The following CRYZL1 variants were observed in gnomAD, a reference collection of about 807,000 sequenced individuals.
CRYZL1 encodes crystallin zeta like 1.
Under a neutral mutation model 50.6 loss-of-function variants are expected in CRYZL1, and 34 were observed. That is an observed-to-expected ratio of 0.67 (90% confidence interval 0.51 to 0.89). The LOEUF (loss-of-function observed/expected upper bound fraction) is 0.89. Among genes scored for constraint, CRYZL1 ranks in the 40% least tolerant of loss-of-function variants. CRYZL1 has a pLI of 0.00. For missense variants in CRYZL1, 354 were observed against 402.3 expected, an observed-to-expected ratio of 0.88 and a Z score of 1.03; for synonymous variants, 125 against 134.3, an observed-to-expected ratio of 0.93 and a Z score of 0.48.
intron 8 of CRYZL1, among the ~76,000 whole-genome samples, chr21:33,600,933 G>GGTTTTT (rs1569083557): frequency 8.4e-5 from 5 of 59,520 alleles, no homozygotes; most frequent in African/African-American, 3.2e-4. Context: ...GGTCCATAAA[G>GGTTTTT]TTTTTTTTTT....
intron 10 of CRYZL1, chr21:33,596,276 T>G (rs1332611659): frequency 3.5e-5 from 14 of 403,526 alleles, no homozygotes; most frequent in Admixed American, 6.7e-5. Context: ...TTGTGATAAT[T>G]TTATATAGAA....
At chr21:33,605,919 A>G (rs2145928739) in intron 6 of CRYZL1, among the ~76,000 whole-genome samples, 1 of 152,200 alleles carries the variant, frequency 6.6e-6, no homozygotes, top group South Asian at 2.1e-4. Context: ...GCAATGATTC[A>G]TGTGGACTAG....
chr21:33,610,002 C>G (rs1340047247), intron 6 of CRYZL1, among the ~76,000 whole-genome samples: 3 of 149,504 alleles, frequency 2.0e-5, no homozygotes, highest in African/African-American at 7.3e-5. Flanking sequence ...CCATGCCTAG[C>G]CTTTTTTTTT....
intron 2 of CRYZL1, among the ~76,000 whole-genome samples, chr21:33,627,888 G>T (rs1198837378): frequency 6.6e-6 from 1 of 151,926 alleles, no homozygotes; most frequent in African/African-American, 2.4e-5. Context: ...GGGACTACAG[G>T]CACATGCCAC....
At chr21:33,610,920 C>CG (rs11377162) in intron 6 of CRYZL1, among the ~76,000 whole-genome samples, 151,597 of 151,744 alleles carry the variant, frequency 1, 75,725 homozygotes, top group African/African-American at 1. Context: ...TTAGTAGAGA[C>CG]GGGTTTCACC....
intron 1 of CRYZL1, among the ~76,000 whole-genome samples, chr21:33,635,373 C>T (rs1312607349): frequency 8.7e-6 from 1 of 115,462 alleles, no homozygotes; most frequent in Non-Finnish European, 1.7e-5. Flanking sequence ...TTTTTTGAGA[C>T]GGAGTCTCGC....
At chr21:33,634,457 C>G (rs1162087035) in intron 1 of CRYZL1, among the ~76,000 whole-genome samples, 17 of 152,186 alleles carry the variant, frequency 1.1e-4, no homozygotes, top group Non-Finnish European at 2.9e-5. Context: ...GTTCTACCCC[C>G]TCTCTGGAAT....
chr21:33,590,049 GCTCT>G (rs2086627602), intron 12 of CRYZL1, 128 bp from the exon 13 acceptor site: 1 of 581,734 alleles, frequency 1.7e-6, no homozygotes, highest in African/African-American at 1.9e-5. Context: ...ACAGAGTCTG[GCTCT>G]CTCATCCAGG....
At chr21:33,621,082 T>G (rs2086994046) in intron 4 of CRYZL1, among the ~76,000 whole-genome samples, 1 of 148,248 alleles carries the variant, frequency 6.7e-6, no homozygotes, top group African/African-American at 2.5e-5. Flanking sequence ...ATTTTTTGTA[T>G]TTTTAGTAGA....
intron 1 of CRYZL1, among the ~76,000 whole-genome samples, chr21:33,636,105 A>G (rs1446844157): frequency 1.3e-5 from 2 of 152,218 alleles, no homozygotes; most frequent in Non-Finnish European, 2.9e-5. Context: ...GTATGATATA[A>G]AACTTTTTGC....
intron 1 of CRYZL1, among the ~76,000 whole-genome samples, chr21:33,639,224 T>C (rs1444567564): frequency 6.6e-6 from 1 of 152,210 alleles, no homozygotes; most frequent in Non-Finnish European, 1.5e-5. Context: ...GTTTCTTACA[T>C]GACCAATTCC....
intron 1 of CRYZL1, among the ~76,000 whole-genome samples, chr21:33,639,407 T>C (rs1461254369): frequency 6.6e-6 from 1 of 152,256 alleles, no homozygotes; most frequent in African/African-American, 2.4e-5. Context: ...TCCTATATTG[T>C]ACTACTGGGG....
intron 4 of CRYZL1, among the ~76,000 whole-genome samples, chr21:33,620,767 G>A (rs963030191): frequency 2.1e-5 from 3 of 145,954 alleles, no homozygotes; most frequent in Non-Finnish European, 4.5e-5. Context: ...CAGACATCAC[G>A]CCACTGCACT....
Position 33,624,574 on chromosome 21 carries a change from A to G in CRYZL1, c.144+109T>C, listed in dbSNP as rs988153012. On this transcript the variant is annotated intron_variant, in intron 3 of 12. Coordinates refer to ENST00000381554, the MANE Select transcript of CRYZL1 (RefSeq NM_145858.3). ...CAAATAAAAAAATTAACAAAAATGA[A>G]GATGGTAATAAATTCTTCACATTGA... is the stretch of plus-strand genomic sequence containing the variant. 20 of 1,502,264 alleles carry G rather than the reference A, an allele frequency of 1.3e-5. No individual in the cohort carries two copies. The East Asian group carries it at 4.7e-4, about 36-fold the overall frequency. 93.1% of individuals were successfully genotyped at this position (1,502,264 alleles called of 1,614,324 possible).
chr21:33,636,399 T>G (rs912467898), intron 1 of CRYZL1, among the ~76,000 whole-genome samples: 1 of 152,190 alleles, frequency 6.6e-6, no homozygotes, highest in Admixed American at 6.5e-5. Context: ...AATAAACCTG[T>G]TTAAAAATGT....
chr21:33,612,459 T>C (rs1422261866), intron 6 of CRYZL1, among the ~76,000 whole-genome samples: 1 of 152,144 alleles, frequency 6.6e-6, no homozygotes, highest in Non-Finnish European at 1.5e-5. Flanking sequence ...CTAAGATTTT[T>C]TGTATTTTTA....
At chr21:33,595,042 C>A in intron 11 of CRYZL1, 1 of 361,032 alleles carries the variant, frequency 2.8e-6, no homozygotes, top group East Asian at 1.4e-4. Flanking sequence ...AGTGCTGCTG[C>A]CTCTAAGCCA....
chr21:33,634,877 AACAATAT>A (rs1286046613), intron 1 of CRYZL1, among the ~76,000 whole-genome samples: 2 of 69,930 alleles, frequency 2.9e-5, no homozygotes, highest in Non-Finnish European at 5.1e-5. Context: ...AAACAACAAC[AACAATAT>A]ATATATATAT....
At chr21:33,627,664 G>A (rs2087083040) in intron 2 of CRYZL1, among the ~76,000 whole-genome samples, 1 of 151,038 alleles carries the variant, frequency 6.6e-6, no homozygotes, top group Non-Finnish European at 1.5e-5. Flanking sequence ...AGTAAATCAG[G>A]TAACTTCAGC....
Sources: allele counts gnomAD v4.1 joint callset (sites outside exome capture counted in the v4.1 genomes callset), GRCh38; gene constraint gnomAD v4.1.1; transcripts MANE v1.5; gene names NCBI Gene and HGNC (gene_info 2026-07-23, HGNC 2026-07-21).